The following TULP3 variants were observed in gnomAD, a reference collection of about 807,000 sequenced individuals.
TULP3 encodes the protein tubby-related protein 3.
Under a neutral mutation model 50.7 loss-of-function variants are expected in TULP3, and 38 were observed. That is an observed-to-expected ratio of 0.75 (90% CI 0.58 to 0.98). The LOEUF (loss-of-function observed/expected upper bound fraction) is 0.98, where lower values mean the gene tolerates loss of function less well. Ranked by LOEUF, TULP3 falls within the 50% of genes least tolerant of loss-of-function variation. The probability of loss-of-function intolerance (pLI) is 0.00; values close to 1 mark genes in which losing one functional copy is unlikely to be tolerated. For missense variants in TULP3, 550 were observed against 568.0 expected, an observed-to-expected ratio of 0.97 and a Z score of 0.32; for synonymous variants, 183 against 196.6, an observed-to-expected ratio of 0.93 and a Z score of 0.58.
intron 6 of TULP3, among the ~76,000 whole-genome samples, chr12:2,931,837 G>A (rs189335384): frequency 6.6e-6 from 1 of 152,152 alleles, no homozygotes; most frequent in Admixed American, 6.6e-5. Context: ...GACAGACCAA[G>A]CATATGCATA....
chr12:2,923,356 T>G (rs946687989), intron 4 of TULP3, among the ~76,000 whole-genome samples: 4 of 152,260 alleles, frequency 2.6e-5, no homozygotes, highest in African/African-American at 9.6e-5. Flanking sequence ...TATTCACTTA[T>G]TTAGAAAGTA....
chr12:2,905,009 C>T (rs1341926719), intron 1 of TULP3, among the ~76,000 whole-genome samples: 1 of 149,788 alleles, frequency 6.7e-6, no homozygotes, highest in African/African-American at 2.5e-5. Context: ...CGCTTGAATC[C>T]GGGAGGTGGA....
At chr12:2,892,235 A>G (rs538373306) in intron 1 of TULP3, among the ~76,000 whole-genome samples, 2 of 152,208 alleles carry the variant, frequency 1.3e-5, no homozygotes, top group Non-Finnish European at 1.5e-5. Flanking sequence ...TTGAGGTGAT[A>G]GCTGCACTCT....
At chr12:2,903,969 A>G (rs1165125168) in intron 1 of TULP3, among the ~76,000 whole-genome samples, 2 of 151,940 alleles carry the variant, frequency 1.3e-5, no homozygotes, top group Non-Finnish European at 2.9e-5. Context: ...TCTTTAGCAG[A>G]GACGGGGTTT....
At chr12:2,897,770 T>TCAAA (rs2098176394) in intron 1 of TULP3, among the ~76,000 whole-genome samples, 1 of 61,366 alleles carries the variant, frequency 1.6e-5, no homozygotes, top group Non-Finnish European at 3.0e-5. Flanking sequence ...ACCCTGTCTC[T>TCAAA]TAAAAAAAAA....
At chr12:2,909,998 A>T (rs1044042615) in intron 2 of TULP3, among the ~76,000 whole-genome samples, 4 of 152,158 alleles carry the variant, frequency 2.6e-5, no homozygotes, top group African/African-American at 9.7e-5. Flanking sequence ...CTGCTTTCAA[A>T]TCTCCATCGC....
rs775739232 is a variant in TULP3, at chr12:2,938,301, G to T, written c.1195+16G>T. 5 of 1,611,192 alleles carry T rather than the reference G, an allele frequency of 3.1e-6. No homozygotes were observed. The South Asian group carries it at 3.3e-5, about 11-fold the overall frequency. On this transcript the variant is annotated intron_variant, in intron 10 of 10. Transcript: ENST00000448120. ...AAAAATGACCGTAAGCCTCCAGGAG[G>T]GGTTGGGTGGGAAGAGGAGGACAGA...
At chr12:2,931,751 A>G (rs2098198188) in intron 6 of TULP3, among the ~76,000 whole-genome samples, 3 of 152,200 alleles carry the variant, frequency 2.0e-5, no homozygotes, top group Admixed American at 2.0e-4. Context: ...GTCTTAACAG[A>G]TGATTTTAAG....
At chr12:2,891,053 G>T in intron 1 of TULP3, 65 bp downstream of exon 1, 1 of 1,462,748 alleles carries the variant, frequency 6.8e-7, no homozygotes, top group East Asian at 2.6e-5. Context: ...GAAGGCGGAG[G>T]TCCTCTCCGG....
intron 2 of TULP3, among the ~76,000 whole-genome samples, chr12:2,918,430 T>G (rs2153949420): frequency 6.6e-6 from 1 of 151,948 alleles, no homozygotes; most frequent in African/African-American, 2.4e-5. Flanking sequence ...GTGATTTTGT[T>G]TCATCGATCA....
intron 1 of TULP3, among the ~76,000 whole-genome samples, chr12:2,905,114 TG>T (rs1434729487): frequency 6.7e-6 from 1 of 148,168 alleles, no homozygotes; most frequent in Non-Finnish European, 1.5e-5. Context: ...ATCAGAAAAA[TG>T]TAAATTTATT....
At chr12:2,894,272 G>T in intron 1 of TULP3, among the ~76,000 whole-genome samples, 2 of 132,050 alleles carry the variant, frequency 1.5e-5, no homozygotes, top group Non-Finnish European at 1.6e-5. Flanking sequence ...CCAGCACCAT[G>T]GGAGGCCGAG....
chr12:2,912,854 C>G lies in TULP3; in HGVS notation c.93+3274C>G, dbSNP rs909318648. ...AAAATATGATAGTAGGATTAATTCACCTCTTCTGAAGGGATATACCTACCC... is the reference window on the plus strand; with the variant it reads ...AAAATATGATAGTAGGATTAATTCAGCTCTTCTGAAGGGATATACCTACCC... On this transcript the variant is annotated intron_variant, in intron 2 of 10. Transcript: ENST00000448120. Among the ~76,000 whole-genome samples the G allele has an allele frequency of 9.9e-5, 15 of 152,150 alleles. 1 individual carries two copies. The highest frequency in any genetic ancestry group is 9.2e-4 in the Admixed American group (14 of 15,262).
At chr12:2,932,152 GA>G (rs1014306434) in intron 6 of TULP3, among the ~76,000 whole-genome samples, 3 of 152,080 alleles carry the variant, frequency 2.0e-5, no homozygotes, top group Admixed American at 2.0e-4. Flanking sequence ...CAGCAGTATA[GA>G]AAAAAGAGTA....
Position 2,925,002 on chromosome 12 carries a change from C to A in TULP3, c.394+2600C>A, listed in dbSNP as rs57022490. Among the ~76,000 whole-genome samples, 414 of 152,144 alleles carry A rather than the reference C, an allele frequency of 2.7e-3. 3 individuals carry two copies. The highest frequency in any genetic ancestry group is 9.4e-3 in the African/African-American group (392 of 41,518). On this transcript the variant is annotated intron_variant, in intron 4 of 10. Transcript: ENST00000448120. Reference sequence around the variant, plus strand: ...ACCATCCTGGCTAACACGGTGAAACCCTGTCTCTACTAAAAATTAGCCAGG... The same window carrying A: ...ACCATCCTGGCTAACACGGTGAAACACTGTCTCTACTAAAAATTAGCCAGG...
chr12:2,891,074 G>A lies in TULP3; in HGVS notation c.41+86G>A, dbSNP rs1022413191. ...GGAGGTCCTCTCCGGGAGCCCTGCG[G>A]GGAGAGGGCGGGACTCGGGACTTGG... On this transcript the variant is annotated intron_variant, in intron 1 of 10. Coordinates refer to ENST00000448120, the MANE Select transcript of TULP3 (RefSeq NM_003324.5). 7.9e-6 allele frequency: 11 copies of A among 1,393,426 alleles called. No homozygotes were observed. The Admixed American group carries it at 8.2e-5, about 10-fold the overall frequency. The allele number at this position is 1,393,426 out of a possible 1,614,324, so 86.3% of individuals were successfully genotyped here. A position where few individuals can be genotyped will look rare whatever the true frequency, so the allele number is the denominator to read the frequency against.
Position 2,922,327 on chromosome 12 carries a change from G to A in TULP3, c.319G>A (p.Val107Ile), listed in dbSNP as rs142250486. 247 of 1,614,154 alleles carry A rather than the reference G, an allele frequency of 1.5e-4. 1 individual carries two copies. The African/African-American group carries it at 2.5e-3, about 16-fold the overall frequency. ...TCATGCTCCATCAGTAAGCTCCTCT[G>A]TTGTGGAAGAAGATGCTGAAAACAC... Reference protein sequence around the residue: ...EVHAPSVSSSVVEEDAENTVD... With the variant: ...EVHAPSVSSSIVEEDAENTVD... Residue 107 changes from valine to isoleucine, a missense_variant, in exon 4 of 11, where the codon GTT becomes ATT. By Grantham distance (29) the Val-to-Ile change is conservative. Coordinates refer to ENST00000448120, the MANE Select transcript of TULP3 (RefSeq NM_003324.5).
intron 5 of TULP3, 74 bp downstream of exon 5, chr12:2,930,419 TTTATTA>T: frequency 4.1e-6 from 4 of 977,120 alleles, no homozygotes; most frequent in Non-Finnish European, 5.9e-6. Context: ...TATTTATTTA[TTTATTA>T]TTATTATGTA....
intron 4 of TULP3, among the ~76,000 whole-genome samples, chr12:2,923,745 G>A (rs745410325): frequency 1.3e-5 from 2 of 152,044 alleles, no homozygotes; most frequent in Non-Finnish European, 1.5e-5. Context: ...GCTGAGGCGG[G>A]CAGATCACTT....
Sources: gnomAD v4.1 joint callset for allele counts (sites outside exome capture counted in the v4.1 genomes callset) on GRCh38, gnomAD v4.1.1 for gene constraint, MANE v1.5 for transcripts, NCBI Gene and HGNC (gene_info 2026-07-23, HGNC 2026-07-21) for gene names.